The following MAP7 variants were observed in gnomAD, a reference collection of about 807,000 sequenced individuals.
MAP7 encodes the protein microtubule associated protein 7, also known as ensconsin.
A neutral mutation model predicts 94.8 loss-of-function variants in MAP7; 52 were observed. That is an observed-to-expected ratio of 0.55 (90% CI 0.44 to 0.69). MAP7 has a LOEUF of 0.69. Among genes scored for constraint, MAP7 ranks in the 30% least tolerant of loss-of-function variants. The probability of loss-of-function intolerance (pLI) is 0.00; values close to 1 mark genes in which losing one functional copy is unlikely to be tolerated. For missense variants in MAP7, 940 were observed against 964.6 expected (o/e 0.97, Z 0.34); for synonymous variants, 350 against 357.0 (o/e 0.98, Z 0.22).
intron 1 of MAP7, among the ~76,000 whole-genome samples, chr6:136,521,930 T>A (rs1476185419): frequency 6.6e-6 from 1 of 152,178 alleles, no homozygotes; most frequent in African/African-American, 2.4e-5. Flanking sequence ...ACTCTTGCAT[T>A]ATTTGTACAC....
In MAP7 at chr6:136,499,873, A is replaced by G. The variant is rs980229213; in HGVS notation, c.67+50469T>C. Among the ~76,000 whole-genome samples the G allele has an allele frequency of 2.0e-5, 3 of 152,014 alleles. 1 individual carries two copies. The highest frequency in any genetic ancestry group is 7.3e-5 in the African/African-American group (3 of 41,332). The stretch of plus-strand genomic sequence containing the variant: ...GAGCTGGGCATGGTGGCACATGCCT[A>G]TAGTCCTAGCTATTCAGGAGGCTGA... On this transcript the variant is annotated intron_variant, in intron 1 of 17. Coordinates refer to ENST00000354570, the MANE Select transcript of MAP7 (RefSeq NM_003980.6).
At chr6:136,506,056 C>CA (rs1014024640) in intron 1 of MAP7, among the ~76,000 whole-genome samples, 5 of 152,042 alleles carry the variant, frequency 3.3e-5, no homozygotes, top group Admixed American at 2.6e-4. Flanking sequence ...AAATCAACAA[C>CA]AAAAAAATCT....
chr6:136,401,532 C>A (rs1243912926), intron 3 of MAP7, among the ~76,000 whole-genome samples: 1 of 152,120 alleles, frequency 6.6e-6, no homozygotes, highest in African/African-American at 2.4e-5. Flanking sequence ...ATCGCAAGGA[C>A]AGAAAACCAA....
At chr6:136,380,334 C>T (rs1777409787) in intron 6 of MAP7, among the ~76,000 whole-genome samples, 2 of 152,098 alleles carry the variant, frequency 1.3e-5, no homozygotes. Context: ...AAATTAGACA[C>T]ATGTTGCCAG....
intron 5 of MAP7, among the ~76,000 whole-genome samples, chr6:136,384,525 G>A (rs1311126823): frequency 3.4e-5 from 5 of 148,700 alleles, no homozygotes; most frequent in Admixed American, 2.7e-4. Context: ...ACAGGGTATT[G>A]CTCTGTTGGC....
chr6:136,372,619 C>G lies in MAP7; in HGVS notation c.758G>C (p.Cys253Ser). Residue 253 changes from cysteine (C) to serine (S), a missense_variant, in exon 8 of 18, where the codon TGC (cysteine) becomes TCC (serine). Physicochemically the swap from Cys to Ser is moderately radical, Grantham distance 112. Coordinates refer to ENST00000354570, the MANE Select transcript of MAP7 (RefSeq NM_003980.6). ...TTTGTAGGGCATGATGATGGGGCTG[C>G]AAGATGCTGAACGAGGACAAATGGG... Reference protein sequence around the residue: ...TAALSGEAASCSPIIMPYKAA... With the variant: ...TAALSGEAASSSPIIMPYKAA... 6.2e-7 allele frequency: 1 copy of G among 1,614,096 alleles called. No individual in the cohort carries two copies. Among genetic ancestry groups the G allele is most frequent in the South Asian group, 1.1e-5 (1 of 91,072 alleles).
At chr6:136,408,590 C>T (rs767481295) in intron 3 of MAP7, among the ~76,000 whole-genome samples, 1 of 152,246 alleles carries the variant, frequency 6.6e-6, no homozygotes, top group Non-Finnish European at 1.5e-5. Context: ...ACCAGTCTCC[C>T]TGGCTATTCA....
chr6:136,458,326 A>AAT (rs1804033681), intron 1 of MAP7, among the ~76,000 whole-genome samples: 1 of 152,186 alleles, frequency 6.6e-6, no homozygotes, highest in Non-Finnish European at 1.5e-5. Flanking sequence ...GGGAAAACTT[A>AAT]ATATTGTCAA....
chr6:136,494,647 G>A (rs920149997), intron 1 of MAP7, among the ~76,000 whole-genome samples: 1 of 152,046 alleles, frequency 6.6e-6, no homozygotes, highest in Non-Finnish European at 1.5e-5. Flanking sequence ...GTACACTGAG[G>A]CTACAACTAA....
At chr6:136,427,462 G>A (rs1290117436) in intron 1 of MAP7, among the ~76,000 whole-genome samples, 1 of 152,202 alleles carries the variant, frequency 6.6e-6, no homozygotes, top group Non-Finnish European at 1.5e-5. Context: ...TTAAGTAACT[G>A]TCAATGTCAA....
At chr6:136,506,934 G>T (rs950916836) in intron 1 of MAP7, among the ~76,000 whole-genome samples, 11 of 152,200 alleles carry the variant, frequency 7.2e-5, no homozygotes, top group African/African-American at 2.4e-4. Flanking sequence ...ACACCAAGCT[G>T]TAACCAATCG....
chr6:136,442,899 G>C (rs1203373731), intron 1 of MAP7, among the ~76,000 whole-genome samples: 1 of 151,958 alleles, frequency 6.6e-6, no homozygotes, highest in Admixed American at 6.6e-5. Context: ...TCTAGCACCT[G>C]GTAAAGTCAG....
chr6:136,509,416 A>ATTT (rs56069303), intron 1 of MAP7, among the ~76,000 whole-genome samples: 1 of 151,766 alleles, frequency 6.6e-6, no homozygotes, highest in African/African-American at 2.4e-5. Context: ...GAAGCTACTT[A>ATTT]TTTTTTTAAG....
intron 16 of MAP7, among the ~76,000 whole-genome samples, chr6:136,356,287 C>A (rs1790903168): frequency 6.6e-6 from 1 of 152,164 alleles, no homozygotes; most frequent in South Asian, 2.1e-4. Context: ...CTACCTCAGC[C>A]TCCCAAGGTG....
intron 1 of MAP7, among the ~76,000 whole-genome samples, chr6:136,480,978 CAA>C (rs1214277426): frequency 6.6e-6 from 1 of 152,074 alleles, no homozygotes; most frequent in Non-Finnish European, 1.5e-5. Context: ...AAACAGTTCT[CAA>C]AAGAATACAT....
chr6:136,355,500 G>C (rs1393645865), intron 16 of MAP7, among the ~76,000 whole-genome samples: 1 of 152,066 alleles, frequency 6.6e-6, no homozygotes, highest in African/African-American at 2.4e-5. Context: ...GTCTCAGAAA[G>C]ATATCAACAC....
At chr6:136,450,159 G>A (rs943049607) in intron 1 of MAP7, among the ~76,000 whole-genome samples, 3 of 152,178 alleles carry the variant, frequency 2.0e-5, no homozygotes, top group African/African-American at 7.2e-5. Flanking sequence ...ACGCCAGCCT[G>A]GGTGACAAGA....
chr6:136,511,898 C>A (rs1823396669), intron 1 of MAP7, among the ~76,000 whole-genome samples: 1 of 152,142 alleles, frequency 6.6e-6, no homozygotes, highest in African/African-American at 2.4e-5. Flanking sequence ...TAAGCTCTGG[C>A]AGTTCAAGGA....
Position 136,428,295 on chromosome 6 carries a change from C to G in MAP7, c.68-6496G>C, listed in dbSNP as rs77886723. 9.0e-3 allele frequency among the ~76,000 whole-genome samples: 1,367 copies of G among 152,218 alleles called. 59 individuals are homozygous for G. The East Asian group carries it at 0.14, about 15-fold the overall frequency. On this transcript the variant is annotated intron_variant, in intron 1 of 17. Transcript: ENST00000354570. Reference sequence around the variant, plus strand: ...CTTTGGGAGGCTGAGGTGGGCAGATCACCTGAGGTCAGGAGTTTGAGATCA... The same window carrying G: ...CTTTGGGAGGCTGAGGTGGGCAGATGACCTGAGGTCAGGAGTTTGAGATCA...
Sources: allele counts gnomAD v4.1 joint callset (sites outside exome capture counted in the v4.1 genomes callset), GRCh38; gene constraint gnomAD v4.1.1; transcripts MANE v1.5; gene names NCBI Gene and HGNC (gene_info 2026-07-23, HGNC 2026-07-21).